The following FOCAD variants were observed in gnomAD, a reference collection of about 807,000 sequenced individuals.
FOCAD encodes the protein KIAA1797.
Under a neutral mutation model 225.6 loss-of-function variants are expected in FOCAD, and 198 were observed. That is an observed-to-expected ratio of 0.88 (90% CI 0.78 to 0.99). The LOEUF (loss-of-function observed/expected upper bound fraction) is 0.99, where lower values mean the gene tolerates loss of function less well. Among genes scored for constraint, FOCAD ranks in the 50% least tolerant of loss-of-function variants. The pLI, the probability that FOCAD is intolerant of heterozygous loss-of-function variation, is 0.00. For missense variants in FOCAD, 2,713 were observed against 2,123.6 expected (o/e 1.28, Z -5.46); for synonymous variants, 897 against 755.0 (o/e 1.19, Z -3.08).
intron 23 of FOCAD, among the ~76,000 whole-genome samples, chr9:20,915,435 C>G (rs1017339840): frequency 6.6e-6 from 1 of 152,104 alleles, no homozygotes; most frequent in African/African-American, 2.4e-5. Flanking sequence ...AGAAGGCATT[C>G]TAAGGAGCAA....
Position 20,907,150 on chromosome 9 carries a change from G to T in FOCAD, c.2626G>T (p.Val876Phe). The change falls in exon 22 of 44, where the codon GTT becomes TTT. Residue 876 changes from valine to phenylalanine, a missense_variant and splice_region_variant. Coordinates refer to ENST00000338382, the MANE Select transcript of FOCAD (RefSeq NM_001375567.1). ...ATGTTGTGGTACATTTTTCCCATAG[G>T]TTCATATCCAGCTTTCAGAGTGGCA... ...KQTSLALVHE[V>F]HIQLSEWHRA... 8.7e-6 allele frequency: 14 copies of T among 1,611,896 alleles called. No individual in the cohort carries two copies. Among genetic ancestry groups the T allele is most frequent in the Non-Finnish European group, 1.2e-5 (14 of 1,178,650 alleles).
In FOCAD at chr9:20,990,046, G is replaced by A. The variant is rs1046056675; in HGVS notation, c.5005-77G>A. 4.5e-6 allele frequency: 7 copies of A among 1,557,976 alleles called. No individual in the cohort carries two copies. In the Admixed American group the frequency reaches 1.0e-4, roughly 23 times the overall value. ...GGGAAGATGACATTGCCTCACGACAGGGGCTGTGTATGTGAACATGTGTTA... is the reference window on the plus strand; with the variant it reads ...GGGAAGATGACATTGCCTCACGACAAGGGCTGTGTATGTGAACATGTGTTA... On this transcript the variant is annotated intron_variant, in intron 41 of 43. Transcript: ENST00000338382.
intron 8 of FOCAD, among the ~76,000 whole-genome samples, chr9:20,773,875 A>G (rs1487115056): frequency 6.6e-6 from 1 of 152,016 alleles, no homozygotes; most frequent in African/African-American, 2.4e-5. Flanking sequence ...CCTTTAATAC[A>G]GTGGTCCCCA....
intron 11 of FOCAD, 88 bp downstream of exon 11, chr9:20,789,696 T>A: frequency 4.0e-6 from 6 of 1,490,560 alleles, no homozygotes; most frequent in Non-Finnish European, 5.5e-6. Flanking sequence ...ATTATTTGCA[T>A]CAGAGTTTTA....
At chr9:20,687,853 A>G (rs1376912939) in intron 1 of FOCAD, among the ~76,000 whole-genome samples, 1 of 152,224 alleles carries the variant, frequency 6.6e-6, no homozygotes, top group East Asian at 1.9e-4. Context: ...TTCACATAGT[A>G]TAGTGGGGGA....
At chr9:20,812,535 T>C (rs1176253941) in intron 11 of FOCAD, among the ~76,000 whole-genome samples, 1 of 152,126 alleles carries the variant, frequency 6.6e-6, no homozygotes, top group African/African-American at 2.4e-5. Flanking sequence ...TTTTGTACTC[T>C]GTTTTTTATA....
intron 2 of FOCAD, among the ~76,000 whole-genome samples, chr9:20,677,685 A>G (rs1186198895): frequency 1.3e-5 from 2 of 151,916 alleles, no homozygotes; most frequent in Non-Finnish European, 1.5e-5. Context: ...AGAAAAGGTA[A>G]CAAGTGTTAA....
chr9:20,932,813 A>T (rs1835605063), intron 27 of FOCAD, among the ~76,000 whole-genome samples: 1 of 152,212 alleles, frequency 6.6e-6, no homozygotes, highest in South Asian at 2.1e-4. Flanking sequence ...CTGCTCAGAA[A>T]TCCAATTATT....
intron 8 of FOCAD, among the ~76,000 whole-genome samples, chr9:20,771,561 G>T (rs539669042): frequency 6.6e-6 from 1 of 152,172 alleles, no homozygotes; most frequent in Admixed American, 6.5e-5. Flanking sequence ...GAGTTCGAGA[G>T]CAGCCTGACC....
chr9:20,778,502 G>A (rs958574202), intron 8 of FOCAD, among the ~76,000 whole-genome samples, 179 bp from the exon 9 acceptor site: 6 of 152,220 alleles, frequency 3.9e-5, no homozygotes, highest in Admixed American at 2.6e-4. Context: ...TTACAGGCGT[G>A]AGCTGCCACG....
At chr9:20,692,458 A>C (rs12343636) in intron 1 of FOCAD, among the ~76,000 whole-genome samples, 3,540 of 152,224 alleles carry the variant, frequency 0.023, 141 homozygotes, top group African/African-American at 0.081. Flanking sequence ...AGTAGCCTCT[A>C]TATTAGTTAT....
chr9:20,804,575 A>T (rs906922981), intron 11 of FOCAD, among the ~76,000 whole-genome samples: 1 of 151,686 alleles, frequency 6.6e-6, no homozygotes. Flanking sequence ...GACTTAATAC[A>T]GTCCTTCTAA....
chr9:20,830,699 A>G (rs1046522251), intron 15 of FOCAD, among the ~76,000 whole-genome samples: 3 of 151,908 alleles, frequency 2.0e-5, no homozygotes, highest in Admixed American at 6.6e-5. Flanking sequence ...GTTTATCGAG[A>G]TGGGGTCTTG....
chr9:20,925,582 A>G (rs941877495), intron 25 of FOCAD, among the ~76,000 whole-genome samples: 7 of 152,244 alleles, frequency 4.6e-5, no homozygotes, highest in Admixed American at 3.9e-4. Flanking sequence ...CCAACAAAAG[A>G]TTTGAAGATG....
At chr9:20,681,852 G>T (rs1822408044), upstream of FOCAD, among the ~76,000 whole-genome samples, 1 of 152,210 alleles carries the variant, frequency 6.6e-6, no homozygotes, top group African/African-American at 2.4e-5. Context: ...TGCAGTAAAA[G>T]CAGTCAAATC....
At chr9:20,785,687 C>T (rs1282967405) in intron 10 of FOCAD, among the ~76,000 whole-genome samples, 1 of 152,144 alleles carries the variant, frequency 6.6e-6, no homozygotes, top group Non-Finnish European at 1.5e-5. Flanking sequence ...CTCTTTCCCA[C>T]TTTTTGGCTA....
chr9:20,862,440 C>T (rs1828855891), intron 15 of FOCAD, 138 bp from the exon 16 acceptor site: 2 of 863,368 alleles, frequency 2.3e-6, no homozygotes, highest in South Asian at 5.0e-5. Context: ...AGGGGTGGTA[C>T]CTTATTAAGT....
chr9:20,956,437 C>T (rs984041704), intron 35 of FOCAD, among the ~76,000 whole-genome samples: 3 of 152,198 alleles, frequency 2.0e-5, no homozygotes, highest in African/African-American at 7.2e-5. Context: ...AGACAATCCT[C>T]TGTCATGTCA....
rs569773088 is a variant in FOCAD at position 20,789,328 on chromosome 9, C to T, written c.1198-23C>T. 12 of 1,599,854 alleles carry T rather than the reference C, an allele frequency of 7.5e-6. No individual in the cohort carries two copies. In the South Asian group the frequency reaches 1.3e-4, roughly 18 times the overall value. On this transcript the variant is annotated intron_variant, in intron 10 of 43. Transcript: ENST00000338382. ...AATATATTTATCTCACTTATTTATG[C>T]CTCTCTTGTCTTTATTTTTCAGCTC...
Sources: allele counts gnomAD v4.1 joint callset (sites outside exome capture counted in the v4.1 genomes callset), GRCh38; gene constraint gnomAD v4.1.1; transcripts MANE v1.5; gene names NCBI Gene and HGNC (gene_info 2026-07-23, HGNC 2026-07-21).